Variants in KCNAB1 observed in about 807,000 individuals in gnomAD.
KCNAB1 encodes potassium voltage-gated channel subfamily A regulatory beta subunit 1.
KCNAB1 carries 35 observed loss-of-function variants against 64.6 expected under a neutral mutation model. That is an observed-to-expected ratio of 0.54 (90% CI 0.41 to 0.72). KCNAB1 has a LOEUF of 0.72. Among genes scored for constraint, KCNAB1 ranks in the 30% least tolerant of loss-of-function variants. The pLI is 0.00. For missense variants in KCNAB1, 401 were observed against 512.9 expected (o/e 0.78, Z 2.11); for synonymous variants, 177 against 183.8 (o/e 0.96, Z 0.30).
intron 1 of KCNAB1, among the ~76,000 whole-genome samples, chr3:156,272,483 A>C (rs1334008578): frequency 6.6e-6 from 1 of 151,794 alleles, no homozygotes; most frequent in Admixed American, 6.6e-5. Flanking sequence ...CGCCATGTTC[A>C]CCACTACCAC....
chr3:156,272,459 AG>A (rs1435017545), intron 1 of KCNAB1, among the ~76,000 whole-genome samples: 1 of 151,972 alleles, frequency 6.6e-6, no homozygotes, highest in African/African-American at 2.4e-5. Context: ...CCCTTTCCCC[AG>A]GCAGACGAGT....
intron 1 of KCNAB1, among the ~76,000 whole-genome samples, chr3:156,416,690 G>A (rs766970124): frequency 1.3e-5 from 2 of 152,172 alleles, no homozygotes; most frequent in Non-Finnish European, 2.9e-5. Context: ...ACTCAGCCCA[G>A]GCTCACAGCC....
At chr3:156,404,523 T>C (rs764067256) in intron 1 of KCNAB1, among the ~76,000 whole-genome samples, 1 of 152,214 alleles carries the variant, frequency 6.6e-6, no homozygotes, top group African/African-American at 2.4e-5. Context: ...GTAACTAATG[T>C]AGGTAAAGAA....
chr3:156,424,189 G>A lies in KCNAB1; in HGVS notation c.319+2530G>A, dbSNP rs568828264. ...AAAACTAACATTGGAGAGTGGCAGTGAGAAGTGAGCTAAAATTTTCAAAGA... is the reference window on the plus strand; with the variant it reads ...AAAACTAACATTGGAGAGTGGCAGTAAGAAGTGAGCTAAAATTTTCAAAGA... On this transcript the variant is annotated intron_variant, in intron 2 of 13. Coordinates refer to ENST00000490337, the MANE Select transcript of KCNAB1 (RefSeq NM_172160.3). 3.0e-4 allele frequency among the ~76,000 whole-genome samples: 46 copies of A among 152,278 alleles called. 2 individuals are homozygous for A. The highest frequency in any genetic ancestry group is 1.0e-3 in the African/African-American group (42 of 41,554).
At chr3:156,529,491 TAAA>T (rs11445692) in intron 12 of KCNAB1, among the ~76,000 whole-genome samples, 1 of 146,012 alleles carries the variant, frequency 6.8e-6, no homozygotes, top group Non-Finnish European at 1.5e-5. Context: ...TAAAGTTGGT[TAAA>T]AAAAAAAAAA....
intron 2 of KCNAB1, among the ~76,000 whole-genome samples, chr3:156,444,171 G>C (rs575841705): frequency 6.6e-6 from 1 of 152,142 alleles, no homozygotes; most frequent in Non-Finnish European, 1.5e-5. Context: ...CTTTGTGTGC[G>C]TCATTTGAAA....
At chr3:156,453,003 C>A in intron 3 of KCNAB1, 67 bp downstream of exon 3, 3 of 1,075,432 alleles carry the variant, frequency 2.8e-6, no homozygotes, top group Non-Finnish European at 4.2e-6. Flanking sequence ...TTGCAGGAGT[C>A]CTCTTCCTGG....
chr3:156,507,665 T>C (rs1305129044), intron 8 of KCNAB1, among the ~76,000 whole-genome samples: 1 of 152,148 alleles, frequency 6.6e-6, no homozygotes, highest in Non-Finnish European at 1.5e-5. Context: ...GTTAAATAAA[T>C]AAACAACTTA....
At chr3:156,303,068 G>C (rs930701782) in intron 1 of KCNAB1, among the ~76,000 whole-genome samples, 4 of 152,168 alleles carry the variant, frequency 2.6e-5, no homozygotes, top group African/African-American at 9.7e-5. Context: ...GAGGAGAAAA[G>C]AAGGAGTTTA....
chr3:156,513,574 C>T (rs568448540), intron 8 of KCNAB1, among the ~76,000 whole-genome samples: 5 of 152,352 alleles, frequency 3.3e-5, no homozygotes, highest in Non-Finnish European at 7.3e-5. Flanking sequence ...GGTCTCCATG[C>T]TCTCTTGTTC....
chr3:156,521,492 T>C (rs1717937162), intron 11 of KCNAB1, among the ~76,000 whole-genome samples: 1 of 152,204 alleles, frequency 6.6e-6, no homozygotes, highest in Non-Finnish European at 1.5e-5. Context: ...GATGCTGACA[T>C]GAACAACAAG....
chr3:156,242,169 A>G (rs1165422216), intron 1 of KCNAB1, among the ~76,000 whole-genome samples: 4 of 152,168 alleles, frequency 2.6e-5, no homozygotes, highest in African/African-American at 4.8e-5. Context: ...GGCCCTTTCA[A>G]TCTGTAAACT....
chr3:156,138,631 A>G (rs546694363), intron 1 of KCNAB1, among the ~76,000 whole-genome samples: 1 of 152,354 alleles, frequency 6.6e-6, no homozygotes, highest in South Asian at 2.1e-4. Context: ...TGAATAATTC[A>G]TGGACTCCAA....
At chr3:156,339,621 A>T (rs939842004) in intron 1 of KCNAB1, among the ~76,000 whole-genome samples, 4 of 152,156 alleles carry the variant, frequency 2.6e-5, no homozygotes, top group Non-Finnish European at 5.9e-5. Flanking sequence ...CTGTTTTGTG[A>T]TAATAATACC....
intron 1 of KCNAB1, among the ~76,000 whole-genome samples, chr3:156,221,806 CA>C (rs562469676): frequency 1.1e-3 from 158 of 148,106 alleles, no homozygotes; most frequent in African/African-American, 3.7e-3. Context: ...GTTTTGTGTC[CA>C]GCAAAACTAC....
chr3:156,152,983 T>C (rs1008600393), intron 1 of KCNAB1, among the ~76,000 whole-genome samples: 1 of 152,238 alleles, frequency 6.6e-6, no homozygotes, highest in African/African-American at 2.4e-5. Flanking sequence ...TTCTGTATTG[T>C]CTGTCTCTCT....
At chr3:156,126,492 G>A (rs933813891) in intron 1 of KCNAB1, among the ~76,000 whole-genome samples, 1 of 152,196 alleles carries the variant, frequency 6.6e-6, no homozygotes, top group Non-Finnish European at 1.5e-5. Flanking sequence ...GAGCAAAATC[G>A]TCCCCATATC....
At chr3:156,205,754 C>A (rs576519519) in intron 1 of KCNAB1, among the ~76,000 whole-genome samples, 1 of 152,192 alleles carries the variant, frequency 6.6e-6, no homozygotes, top group Non-Finnish European at 1.5e-5. Context: ...GTCTGTCCTA[C>A]ATTGACTTCT....
intron 1 of KCNAB1, among the ~76,000 whole-genome samples, chr3:156,166,797 G>A (rs1211651047): frequency 6.6e-6 from 1 of 152,180 alleles, no homozygotes; most frequent in East Asian, 1.9e-4. Context: ...TTTATGATAA[G>A]GGATTGTATT....
Sources: gnomAD v4.1 joint callset for allele counts (sites outside exome capture counted in the v4.1 genomes callset) on GRCh38, gnomAD v4.1.1 for gene constraint, MANE v1.5 for transcripts, NCBI Gene and HGNC (gene_info 2026-07-23, HGNC 2026-07-21) for gene names.